ELP2: variants seen among roughly 807,000 people sequenced by gnomAD.
The protein encoded by ELP2 is elongator complex protein 2.
In ELP2, 90 loss-of-function variants were observed where a neutral mutation model predicts 119.2. That is an observed-to-expected ratio of 0.75 (90% CI 0.64 to 0.90). The LOEUF (loss-of-function observed/expected upper bound fraction) is 0.90, where lower values mean the gene tolerates loss of function less well. Among genes scored for constraint, ELP2 ranks in the 40% least tolerant of loss-of-function variants. ELP2 has a pLI of 0.00. For missense variants in ELP2, 921 were observed against 967.8 expected (o/e 0.95, Z 0.64); for synonymous variants, 339 against 331.0 (o/e 1.02, Z -0.26).
At chr18:36,141,365 T>C (rs1259934205) in intron 6 of ELP2, 164 bp downstream of exon 6, 2 of 650,024 alleles carry the variant, frequency 3.1e-6, no homozygotes, top group Non-Finnish European at 5.5e-6. Flanking sequence ...TTGTCTACTC[T>C]GAACACCAAG....
intron 18 of ELP2, chr18:36,165,276 GAA>G (rs200667879): frequency 4.3e-5 from 6 of 139,734 alleles, no homozygotes; most frequent in Non-Finnish European, 9.3e-5. Flanking sequence ...GGCATAAACT[GAA>G]AAAAAAAAAA....
rs769462451 is a variant in ELP2 at position 36,145,958 on chromosome 18, A to G, written c.903A>G (p.Leu301=). The G allele has an allele frequency of 8.7e-6, 14 of 1,613,162 alleles. No homozygotes were observed. The Admixed American group carries it at 1.8e-4, about 21-fold the overall frequency. ...WQPVFYKDGV[L]QQPVRLLSAS... ...GGTTTTATTTTTTAGATGGTGTCCTACAGCAGCCAGTGAGATTATTATCTG... is the reference window on the plus strand; with the variant it reads ...GGTTTTATTTTTTAGATGGTGTCCTGCAGCAGCCAGTGAGATTATTATCTG... The change falls in exon 10 of 22, where the codon CTA becomes CTG. Residue 301 remains leucine, a synonymous_variant. Transcript: ENST00000358232.
chr18:36,136,342 A>G lies in ELP2; in HGVS notation c.253A>G (p.Asn85Asp). 6.2e-7 allele frequency: 1 copy of G among 1,612,126 alleles called. No individual in the cohort carries two copies. The highest frequency in any genetic ancestry group is 8.5e-7 in the Non-Finnish European group (1 of 1,178,144). Reference protein sequence around the residue: ...STELVSGGSDNQVIHWEIEDN... With the variant: ...STELVSGGSDDQVIHWEIEDN... ...TGAATTAGTTTCTGGAGGATCTGAT[A>G]ATCAAGTGATTCACTGGGAAATAGA... is the stretch of plus-strand genomic sequence containing the variant. The change falls in exon 3 of 22, where the codon AAT (asparagine) becomes GAT (aspartate). Residue 85 changes from asparagine to aspartate, a missense_variant. Physicochemically the swap from Asn to Asp is conservative, Grantham distance 23. Coordinates refer to ENST00000358232, the MANE Select transcript of ELP2 (RefSeq NM_018255.4).
Position 36,177,416 on chromosome 18 carries a change from T to C in ELP2, c.*2775T>C, listed in dbSNP as rs2091250267. 1 of 152,188 alleles carries C rather than the reference T, an allele frequency of 6.6e-6. No homozygotes were observed. Among genetic ancestry groups the C allele is most frequent in the African/African-American group, 2.4e-5 (1 of 41,442 alleles). The allele number at this position is 152,188 out of a possible 1,614,324, so 9.4% of individuals were successfully genotyped here. A position where few individuals can be genotyped will look rare whatever the true frequency, so the allele number is the denominator to read the frequency against. On this transcript the variant is annotated 3_prime_UTR_variant, in exon 22 of 22. Transcript: ENST00000358232. ...AGTAAGCCAGTCACTGGAAGACAAATACTCTATGCTTCCATTTATGTGAAG... is the reference window on the plus strand; with the variant it reads ...AGTAAGCCAGTCACTGGAAGACAAACACTCTATGCTTCCATTTATGTGAAG...
Position 36,149,739 on chromosome 18 carries a change from T to C in ELP2, c.1125+3358T>C, listed in dbSNP as rs184395416. On this transcript the variant is annotated intron_variant, in intron 11 of 21. Coordinates refer to ENST00000358232, the MANE Select transcript of ELP2 (RefSeq NM_018255.4). ...CCATATCAACAAGAAAAACAAAAAA[T>C]CTAGCAGGGACACTCAAGTTCCACT... Among the ~76,000 whole-genome samples the C allele has an allele frequency of 7.2e-5, 11 of 151,766 alleles. No individual in the cohort carries two copies. The East Asian group carries it at 2.1e-3, about 29-fold the overall frequency.
rs906726239 is a variant in ELP2 at position 36,176,219 on chromosome 18, C to G, written c.*1578C>G. On this transcript the variant is annotated 3_prime_UTR_variant, in exon 22 of 22. Transcript: ENST00000358232. The stretch of plus-strand genomic sequence containing the variant: ...CTTCATAGCCACATGTGGCTCATGG[C>G]CATCCATATTTGGACAATGTACTTT... 6.6e-6 allele frequency: 1 copy of G among 152,164 alleles called. No individual in the cohort carries two copies. Among genetic ancestry groups the G allele is most frequent in the Non-Finnish European group, 1.5e-5 (1 of 68,038 alleles). 9.4% of individuals were successfully genotyped at this position (152,164 alleles called of 1,614,324 possible).
intron 18 of ELP2, among the ~76,000 whole-genome samples, chr18:36,165,860 C>G (rs555048628): frequency 6.6e-6 from 1 of 151,956 alleles, no homozygotes; most frequent in Non-Finnish European, 1.5e-5. Context: ...CCAGCCTAGG[C>G]GACAGAGCAA....
rs976209591 is a variant in ELP2, at chr18:36,136,216, C to A, written c.218-91C>A. 1.3e-4 allele frequency: 117 copies of A among 902,872 alleles called. 2 individuals carry two copies. The highest frequency in any genetic ancestry group is 3.0e-5 in the Non-Finnish European group (16 of 539,678). The allele number at this position is 902,872 out of a possible 1,614,324, so 55.9% of individuals were successfully genotyped here. A position where few individuals can be genotyped will look rare whatever the true frequency, so the allele number is the denominator to read the frequency against. On this transcript the variant is annotated intron_variant, in intron 2 of 21. Transcript: ENST00000358232. ...AGTTTGTGAATCTAGGTAGAGGGTA[C>A]AGGGGTATTGTTTTTTGGTGTAGCT...
chr18:36,155,098 C>A (rs542199976), intron 12 of ELP2, 99 bp downstream of exon 12: 3 of 1,014,754 alleles, frequency 3.0e-6, no homozygotes, highest in East Asian at 2.6e-5. Context: ...CTGCAGCCTC[C>A]GCCACCCAGG....
intron 11 of ELP2, among the ~76,000 whole-genome samples, chr18:36,149,768 G>A (rs529467609): frequency 6.6e-6 from 1 of 151,922 alleles, no homozygotes; most frequent in African/African-American, 2.4e-5. Context: ...TTCCACTCAT[G>A]TTGAGTGTGA....
chr18:36,149,485 T>TG (rs1567995569), intron 11 of ELP2, among the ~76,000 whole-genome samples: 2 of 132,426 alleles, frequency 1.5e-5, no homozygotes, highest in South Asian at 2.7e-4. Flanking sequence ...TTTGTTTTGT[T>TG]TTGTTTTTTT....
rs768966809 is a variant in ELP2 at position 36,146,342 on chromosome 18, C to A, written c.1086C>A (p.His362Gln). 1 of 1,613,862 alleles carries A rather than the reference C, an allele frequency of 6.2e-7. No homozygotes were observed. Among genetic ancestry groups the A allele is most frequent in the East Asian group, 2.2e-5 (1 of 44,890 alleles). ...DGSMIIAHAFHGALHLWKQNT... is the reference protein window; with the variant it reads ...DGSMIIAHAFQGALHLWKQNT... ...CCATGATCATTGCTCATGCTTTCCA[C>A]GGAGCGTTGCACCTTTGGAAACAGA... The change falls in exon 11 of 22, where the codon CAC becomes CAA. Residue 362 changes from histidine (H) to glutamine (Q), a missense_variant. Coordinates refer to ENST00000358232, the MANE Select transcript of ELP2 (RefSeq NM_018255.4).
At chr18:36,137,803 C>CAAAAAAAAAAAAAAAAAAAAA (rs57722627) in intron 3 of ELP2, among the ~76,000 whole-genome samples, 2 of 103,698 alleles carry the variant, frequency 1.9e-5, no homozygotes, top group East Asian at 3.2e-4. Context: ...ATATTATCAC[C>CAAAAAAAAAAAAAAAAAAAAA]AAAAAAAAAA....
rs1598732231 is a variant in ELP2, at chr18:36,133,312, T to C, written c.213T>C (p.Asp71=). ...VNCIQWICKQ[D]GSPSTELVSG... ...GCATACAGTGGATTTGTAAACAGGA[T>C]GGCTGTAAGTATTAACCAGATTTTA... is the stretch of plus-strand genomic sequence containing the variant. The change falls in exon 2 of 22, where the codon GAT becomes GAC. Residue 71 remains aspartate (D), a synonymous_variant. Coordinates refer to ENST00000358232, the MANE Select transcript of ELP2 (RefSeq NM_018255.4). 1.2e-6 allele frequency: 2 copies of C among 1,611,116 alleles called. No homozygotes were observed. Among genetic ancestry groups the C allele is most frequent in the East Asian group, 4.5e-5 (2 of 44,858 alleles).
intron 11 of ELP2, among the ~76,000 whole-genome samples, chr18:36,147,081 GTTTTTTTT>G (rs61330040): frequency 4.1e-5 from 5 of 123,436 alleles, no homozygotes; most frequent in African/African-American, 1.5e-4. Flanking sequence ...AACATGGGTA[GTTTTTTTT>G]TTTTTTTTTT....
At chr18:36,132,605 A>G (rs2089675198) in intron 1 of ELP2, among the ~76,000 whole-genome samples, 1 of 152,164 alleles carries the variant, frequency 6.6e-6, no homozygotes, top group Non-Finnish European at 1.5e-5. Context: ...GAGACCTCCA[A>G]GTGTGGGGTG....
In ELP2 at chr18:36,146,368, ATACAGT is replaced by A; in HGVS notation, c.1115_1120del (p.Thr372_Val373del). On this transcript the variant is annotated inframe_deletion, in exon 11 of 22. Transcript: ENST00000358232. ...GGAGCGTTGCACCTTTGGAAACAGAATACAGTTAACCCAGTAAGAAAAGAGTGTTTA... is the reference window on the plus strand; with the variant it reads ...GGAGCGTTGCACCTTTGGAAACAGAATAACCCAGTAAGAAAAGAGTGTTTA... The A allele has an allele frequency of 1.2e-6, 2 of 1,614,096 alleles. No individual in the cohort carries two copies. Among genetic ancestry groups the A allele is most frequent in the Non-Finnish European group, 1.7e-6 (2 of 1,179,940 alleles).
rs1486571134 is a variant in ELP2 at position 36,138,250 on chromosome 18, T to C, written c.289-20T>C. 2 of 1,613,908 alleles carry C rather than the reference T, an allele frequency of 1.2e-6. No individual in the cohort carries two copies. Among genetic ancestry groups the C allele is most frequent in the Admixed American group, 1.7e-5 (1 of 60,024 alleles). On this transcript the variant is annotated intron_variant, in intron 3 of 21. Coordinates refer to ENST00000358232, the MANE Select transcript of ELP2 (RefSeq NM_018255.4). ...AAAATCCTTTTTTTCACAATGCTTC[T>C]GTCATTCTTTCTGATTCAGCTTTTA...
chr18:36,138,157 A>C, intron 3 of ELP2, 113 bp from the exon 4 acceptor site: 1 of 1,059,670 alleles, frequency 9.4e-7, no homozygotes, highest in Non-Finnish European at 1.4e-6. Flanking sequence ...AATTCTTTTC[A>C]ACTTAGAGGA....
Sources: gnomAD v4.1 joint callset for allele counts (sites outside exome capture counted in the v4.1 genomes callset) on GRCh38, gnomAD v4.1.1 for gene constraint, MANE v1.5 for transcripts, NCBI Gene and HGNC (gene_info 2026-07-23, HGNC 2026-07-21) for gene names.